Variants in CXorf38 observed in about 807,000 individuals in gnomAD.
The protein encoded by CXorf38 is uncharacterized protein CXorf38.
Under a neutral mutation model 27.5 loss-of-function variants are expected in CXorf38, and 13 were observed. The observed-to-expected ratio is 0.47, with a 90% CI of 0.31 to 0.75. The LOEUF is 0.75. CXorf38 is among the 30% of genes least tolerant of loss of function. The probability of loss-of-function intolerance (pLI) is 0.05; values close to 1 mark genes in which losing one functional copy is unlikely to be tolerated. For synonymous variants in CXorf38, 100 were observed against 99.8 expected (o/e 1.00, Z -0.01); for missense variants, 240 against 253.2 (o/e 0.95, Z 0.35).
chrX:40,641,167 A>T (rs1928304344), intron 2 of CXorf38, among the ~76,000 whole-genome samples: 1 of 110,861 alleles, frequency 9.0e-6, no homozygotes, highest in Admixed American at 9.6e-5. Context: ...CAGTGAATCA[A>T]GATTGTGTAA....
At chrX:40,633,929 G>T (rs1927943454) in intron 5 of CXorf38, among the ~76,000 whole-genome samples, 1 of 111,142 alleles carries the variant, frequency 9.0e-6, no homozygotes, top group East Asian at 2.8e-4. Context: ...TTCTGGGGCA[G>T]ATGAGCCCAT....
At position 40,629,390 on chromosome X, in the gene CXorf38, T is replaced by C. The variant is rs964638192; in HGVS notation, c.*774A>G. 1.8e-5 allele frequency: 2 copies of C among 111,784 alleles called. No individual in the cohort carries two copies. Among genetic ancestry groups the C allele is most frequent in the Admixed American group, 9.5e-5 (1 of 10,543 alleles). 9.2% of individuals were successfully genotyped at this position (111,784 alleles called of 1,213,427 possible). The stretch of plus-strand genomic sequence containing the variant: ...CTTGCTTTCCTCTAAAAAGGAAATA[T>C]TTCTTTCCTATCCCAACATTTATAT... On this transcript the variant is annotated 3_prime_UTR_variant, in exon 7 of 7. Coordinates refer to ENST00000327877, the MANE Select transcript of CXorf38 (RefSeq NM_144970.3).
At position 40,632,768 on chromosome X, in the gene CXorf38, A is replaced by AC. The variant is rs1927883896; in HGVS notation, c.802-1996dup. Among the ~76,000 whole-genome samples, 4 of 111,807 alleles carry AC rather than the reference A, an allele frequency of 3.6e-5. No homozygotes were observed. The South Asian group carries it at 1.5e-3, about 42-fold the overall frequency. On this transcript the variant is annotated intron_variant, in intron 5 of 6. Transcript: ENST00000327877. ...AACTAGCTGTGTGACTTTGGCCAAGACATCTGACCTCTCTGAGCTTACTTT... is the reference window on the plus strand; with the variant it reads ...AACTAGCTGTGTGACTTTGGCCAAGACCATCTGACCTCTCTGAGCTTACTTT...
At position 40,647,380 on chromosome X, in the gene CXorf38, T is replaced by G. The variant is rs201572324; in HGVS notation, c.141A>C (p.Leu47=). Residue 47 remains leucine (L), a synonymous_variant, in exon 1 of 7, where the codon CTA becomes CTC. Transcript: ENST00000327877. The stretch of plus-strand genomic sequence containing the variant: ...GCCCCAGGCCGGGGGCTGCGGCGAG[T>G]AGGCCGCGGTGGAAGGAGAGCACCT... ...GREVLSFHRG[L]LAAAPGLGPR... is the part of the protein sequence containing the mutation. 1 of 1,172,422 alleles carries G rather than the reference T, an allele frequency of 8.5e-7. No individual in the cohort carries two copies. Among genetic ancestry groups the G allele is most frequent in the African/African-American group, 1.9e-5 (1 of 53,858 alleles).
In CXorf38 at chrX:40,636,578, T is replaced by C. The variant is rs151034860; in HGVS notation, c.756A>G (p.Gln252=). The C allele has an allele frequency of 8.3e-6, 10 of 1,203,105 alleles. No individual in the cohort carries two copies. In the East Asian group the frequency reaches 1.2e-4, roughly 14 times the overall value. ...IEMQLLKEKL[Q]EIYLQAEEQE... ...GTTCTTCTGCTTGAAGATATATCTC[T>C]TGAAGTTTCTCCTTTAGTAACTGCA... The change falls in exon 5 of 7, where the codon CAA becomes CAG. Residue 252 remains glutamine, a synonymous_variant. Coordinates refer to ENST00000327877, the MANE Select transcript of CXorf38 (RefSeq NM_144970.3).
intron 2 of CXorf38, among the ~76,000 whole-genome samples, chrX:40,646,736 G>A (rs1450535250): frequency 9.0e-6 from 1 of 111,026 alleles, no homozygotes; most frequent in Admixed American, 9.5e-5. Flanking sequence ...TCTGCATCTT[G>A]CCCCAGTATC....
intron 2 of CXorf38, chrX:40,639,848 G>T (rs184137664): frequency 8.5e-5 from 11 of 130,141 alleles, no homozygotes; most frequent in Non-Finnish European, 9.2e-5. Flanking sequence ...AGATATGCCA[G>T]AAGGGCCTCA....
intron 2 of CXorf38, among the ~76,000 whole-genome samples, chrX:40,645,426 A>T (rs1928528048): frequency 8.9e-6 from 1 of 111,750 alleles, no homozygotes; most frequent in Admixed American, 9.5e-5. Flanking sequence ...GTGTGAAAGC[A>T]GCAACGCAGA....
Position 40,639,117 on chromosome X carries a change from G to A in CXorf38, c.363C>T (p.Pro121=). The A allele has an allele frequency of 8.3e-7, 1 of 1,210,850 alleles. No homozygotes were observed. Among genetic ancestry groups the A allele is most frequent in the Non-Finnish European group, 1.1e-6 (1 of 894,804 alleles). ...DAWEVAKAFM[P]RGLADKQGPE... ...GTCCTTGTTTGTCTGCTAGTCCTCG[G>A]GGCATGAAGGCCTATAGCAAGGGAG... The change falls in exon 3 of 7, where the codon CCC becomes CCT. Residue 121 remains proline, a synonymous_variant. Transcript: ENST00000327877.
intron 2 of CXorf38, among the ~76,000 whole-genome samples, chrX:40,642,143 T>C (rs754199588): frequency 1.1e-4 from 12 of 110,734 alleles, no homozygotes; most frequent in Non-Finnish European, 2.3e-4. Flanking sequence ...ATTCCAAAAG[T>C]ATTTTGCAGG....
chrX:40,645,691 A>T (rs963887654), intron 2 of CXorf38, among the ~76,000 whole-genome samples: 3 of 110,842 alleles, frequency 2.7e-5, no homozygotes, highest in Non-Finnish European at 5.7e-5. Context: ...ATCACGGCTC[A>T]CTGCAGCCTC....
intron 5 of CXorf38, among the ~76,000 whole-genome samples, chrX:40,635,263 C>T (rs1928016546): frequency 8.8e-6 from 1 of 113,099 alleles, no homozygotes. Flanking sequence ...ATTTTAAATA[C>T]CTATGGTGTA....
rs755805367 is a variant in CXorf38 at position 40,647,105 on chromosome X, T to C, written c.253A>G (p.Arg85Gly). 5.0e-6 allele frequency: 6 copies of C among 1,211,738 alleles called. No homozygotes were observed. The highest frequency in any genetic ancestry group is 3.5e-5 in the South Asian group (2 of 57,003). ...TTGACATGATGTCTCAAAATCTCCC[T>C]TTTCCATTCAGCGCACACCTGACAC... ...PQCQVCAEWK[R>G]EILRHHVNRN... The change falls in exon 2 of 7, where the codon AGG (arginine) becomes GGG (glycine). Residue 85 changes from arginine (R) to glycine (G), a missense_variant. Physicochemically the swap from Arg to Gly is moderately radical, Grantham distance 125. Transcript: ENST00000327877.
chrX:40,645,275 G>A (rs1412184179), intron 2 of CXorf38, among the ~76,000 whole-genome samples: 1 of 111,196 alleles, frequency 9.0e-6, no homozygotes, highest in Non-Finnish European at 1.9e-5. Flanking sequence ...AGGCTGAGGG[G>A]GAGTGAAGCA....
At chrX:40,643,647 T>C (rs1928445752) in intron 2 of CXorf38, among the ~76,000 whole-genome samples, 1 of 111,303 alleles carries the variant, frequency 9.0e-6, no homozygotes, top group Non-Finnish European at 1.9e-5. Flanking sequence ...TAGCTGGGAT[T>C]ACAGGCATGC....
At chrX:40,647,167 G>C in intron 1 of CXorf38, 26 bp from the exon 2 acceptor site, 1 of 1,207,190 alleles carries the variant, frequency 8.3e-7, no homozygotes, top group Non-Finnish European at 1.1e-6. Flanking sequence ...GTGAGGAGGG[G>C]CCCAGGAGGG....
intron 5 of CXorf38, among the ~76,000 whole-genome samples, chrX:40,635,078 G>A (rs1928007053): frequency 1.8e-5 from 2 of 112,582 alleles, no homozygotes; most frequent in African/African-American, 6.4e-5. Context: ...CAAAGCAGGG[G>A]ATATAAGATG....
intron 2 of CXorf38, among the ~76,000 whole-genome samples, chrX:40,642,133 A>T (rs1928350025): frequency 9.0e-6 from 1 of 111,311 alleles, no homozygotes; most frequent in Admixed American, 9.6e-5. Flanking sequence ...GGAAAAGAAG[A>T]TTCCAAAAGT....
chrX:40,630,998 T>G (rs1393063637), intron 5 of CXorf38, among the ~76,000 whole-genome samples: 1 of 110,854 alleles, frequency 9.0e-6, no homozygotes, highest in Non-Finnish European at 1.9e-5. Flanking sequence ...TGACCCAGGA[T>G]AACTGGTTCT....
Sources: gnomAD v4.1 joint callset for allele counts (sites outside exome capture counted in the v4.1 genomes callset) on GRCh38, gnomAD v4.1.1 for gene constraint, MANE v1.5 for transcripts, NCBI Gene and HGNC (gene_info 2026-07-23, HGNC 2026-07-21) for gene names.